The following CNTNAP3B variants were observed in gnomAD, a reference collection of about 807,000 sequenced individuals.
CNTNAP3B encodes contactin associated protein family member 3B, also known as contactin-associated protein-like 3B.
A neutral mutation model predicts 108.9 loss-of-function variants in CNTNAP3B; 25 were observed. The observed-to-expected ratio is 0.23, with a 90% CI of 0.17 to 0.32. The LOEUF is 0.32. CNTNAP3B is among the 10% of genes least tolerant of loss of function. CNTNAP3B has a pLI of 1.00. For missense variants in CNTNAP3B, 252 were observed against 1,210.4 expected, an observed-to-expected ratio of 0.21 and a Z score of 11.75; for synonymous variants, 103 against 473.4, an observed-to-expected ratio of 0.22 and a Z score of 10.16.
intron 14 of CNTNAP3B, among the ~76,000 whole-genome samples, chr9:41,930,399 T>C (rs1433089329): frequency 1.3e-5 from 2 of 152,290 alleles, no homozygotes; most frequent in African/African-American, 2.4e-5. Flanking sequence ...AAAAATTAGC[T>C]GGGTGTGATG....
At chr9:41,928,037 A>T (rs1169105700) in intron 15 of CNTNAP3B, among the ~76,000 whole-genome samples, 1 of 152,042 alleles carries the variant, frequency 6.6e-6, no homozygotes, top group African/African-American at 2.4e-5. Flanking sequence ...AGCATATTTC[A>T]TTTTAGAAAA....
At chr9:42,124,862 T>C (rs1828534319) in intron 1 of CNTNAP3B, among the ~76,000 whole-genome samples, 1 of 137,844 alleles carries the variant, frequency 7.3e-6, no homozygotes, top group Non-Finnish European at 1.5e-5. Context: ...TTATTTCTCA[T>C]AATTGTTTTT....
chr9:41,961,319 G>A (rs1825084047), intron 11 of CNTNAP3B, among the ~76,000 whole-genome samples: 1 of 152,300 alleles, frequency 6.6e-6, no homozygotes, highest in Non-Finnish European at 1.5e-5. Context: ...TTTGCTTTTA[G>A]GCAAGAAAGC....
intron 1 of CNTNAP3B, among the ~76,000 whole-genome samples, chr9:42,128,036 T>A (rs969306777): frequency 7.2e-6 from 1 of 138,848 alleles, no homozygotes; most frequent in African/African-American, 2.9e-5. Flanking sequence ...GAGATGCCAC[T>A]GAAAGAAAAA....
intron 4 of CNTNAP3B, among the ~76,000 whole-genome samples, chr9:42,000,717 CT>C (rs1413448638): frequency 1.1e-5 from 1 of 91,012 alleles, no homozygotes; most frequent in East Asian, 3.8e-4. Context: ...CCTTGAAACT[CT>C]TTTGTTCTTT....
At chr9:41,916,505 A>C (rs1398412440) in intron 18 of CNTNAP3B, among the ~76,000 whole-genome samples, 2 of 152,176 alleles carry the variant, frequency 1.3e-5, no homozygotes, top group Non-Finnish European at 2.9e-5. Context: ...ATTTCCTCTA[A>C]TGCAGGCTAA....
In CNTNAP3B at chr9:42,071,193, G is replaced by T. The variant is rs1210528287; in HGVS notation, c.390+5676C>A. Among the ~76,000 whole-genome samples, 271 of 144,372 alleles carry T rather than the reference G, an allele frequency of 1.9e-3. 1 individual carries two copies. The highest frequency in any genetic ancestry group is 6.5e-3 in the African/African-American group (239 of 36,990). 94.7% of individuals were successfully genotyped at this position (144,372 alleles called of 152,430 possible). A position where few individuals can be genotyped will look rare whatever the true frequency, so the allele number is the denominator to read the frequency against. ...ACAAAACCAGGGAAGACACAGGCTG[G>T]AGGCGGGTGGGGTGGGGAGGGCAGT... On this transcript the variant is annotated intron_variant, in intron 3 of 23. Coordinates refer to ENST00000377561, the MANE Select transcript of CNTNAP3B (RefSeq NM_001201380.3).
chr9:41,942,386 G>A (rs1341948702), intron 13 of CNTNAP3B, among the ~76,000 whole-genome samples: 66 of 151,868 alleles, frequency 4.3e-4, no homozygotes, highest in African/African-American at 9.2e-4. Flanking sequence ...TGAGGCGGGC[G>A]GATCACGAGG....
chr9:41,954,549 G>A (rs1297368287), intron 12 of CNTNAP3B, among the ~76,000 whole-genome samples: 42 of 152,362 alleles, frequency 2.8e-4, no homozygotes, highest in African/African-American at 8.7e-4. Flanking sequence ...TTTAAATAAC[G>A]AATGCAATTT....
chr9:41,961,311 T>C (rs1334272426), intron 11 of CNTNAP3B, among the ~76,000 whole-genome samples: 1 of 152,306 alleles, frequency 6.6e-6, no homozygotes, highest in Admixed American at 6.5e-5. Context: ...TGTTTTCTTT[T>C]GCTTTTAGGC....
intron 13 of CNTNAP3B, among the ~76,000 whole-genome samples, chr9:41,945,892 A>G (rs1824518426): frequency 6.6e-6 from 1 of 152,192 alleles, no homozygotes. Flanking sequence ...AGCTAGAGAA[A>G]GATATACCAT....
At chr9:42,049,466 T>C (rs1302878754) in intron 3 of CNTNAP3B, among the ~76,000 whole-genome samples, 1 of 133,856 alleles carries the variant, frequency 7.5e-6, no homozygotes, top group Non-Finnish European at 1.6e-5. Context: ...CTGCAGATGC[T>C]AATTCTAGGT....
chr9:41,948,211 C>G (rs1824581638), intron 13 of CNTNAP3B, among the ~76,000 whole-genome samples: 1 of 144,782 alleles, frequency 6.9e-6, no homozygotes. Context: ...CCTGCCTCAG[C>G]CTCCTGAGTA....
chr9:41,986,263 T>A lies in CNTNAP3B; in HGVS notation c.1382A>T (p.Lys461Met). 1 of 1,095,024 alleles carries A rather than the reference T, an allele frequency of 9.1e-7. No homozygotes were observed. Among genetic ancestry groups the A allele is most frequent in the Non-Finnish European group, 1.2e-6 (1 of 816,268 alleles). 67.8% of individuals were successfully genotyped at this position (1,095,024 alleles called of 1,614,324 possible). Residue 461 changes from lysine to methionine, a missense_variant, in exon 9 of 24, where the codon AAG (lysine) becomes ATG (methionine). Coordinates refer to ENST00000377561, the MANE Select transcript of CNTNAP3B (RefSeq NM_001201380.3). The stretch of plus-strand genomic sequence containing the variant: ...CACCACCACATTCATATGGCTCCAC[T>A]TGGCAGAGAAGGATACAGAGTGCCA... Reference protein sequence around the residue: ...GQWHSVSFSAKWSHMNVVVDD... With the variant: ...GQWHSVSFSAMWSHMNVVVDD...
At chr9:41,947,298 A>G (rs1448848189) in intron 13 of CNTNAP3B, among the ~76,000 whole-genome samples, 11 of 152,338 alleles carry the variant, frequency 7.2e-5, no homozygotes, top group African/African-American at 2.6e-4. Context: ...TAAAAGAACT[A>G]AAATCACACA....
At chr9:41,959,119 G>T (rs1161218945) in intron 12 of CNTNAP3B, among the ~76,000 whole-genome samples, 4 of 145,450 alleles carry the variant, frequency 2.8e-5, no homozygotes, top group Admixed American at 6.9e-5. Context: ...GCAGTGGTTT[G>T]TTCTGTGACC....
chr9:41,956,516 A>G (rs1267836330), intron 12 of CNTNAP3B, among the ~76,000 whole-genome samples: 1 of 152,186 alleles, frequency 6.6e-6, no homozygotes, highest in Non-Finnish European at 1.5e-5. Context: ...CTTAAAATTT[A>G]CTCAGTATAT....
intron 15 of CNTNAP3B, among the ~76,000 whole-genome samples, chr9:41,927,268 A>T (rs1431132445): frequency 6.7e-6 from 1 of 148,960 alleles, no homozygotes; most frequent in African/African-American, 2.5e-5. Context: ...ATTCAACTCC[A>T]TTCCATATAA....
chr9:41,925,778 C>T (rs1228255841), intron 15 of CNTNAP3B, among the ~76,000 whole-genome samples: 1 of 152,400 alleles, frequency 6.6e-6, no homozygotes, highest in African/African-American at 2.4e-5. Flanking sequence ...TAAGCTGACA[C>T]CCATGCCTTT....
Sources: gnomAD v4.1 joint callset for allele counts (sites outside exome capture counted in the v4.1 genomes callset) on GRCh38, gnomAD v4.1.1 for gene constraint, MANE v1.5 for transcripts, NCBI Gene and HGNC (gene_info 2026-07-23, HGNC 2026-07-21) for gene names.